The following SLC5A11 variants were observed in gnomAD, a reference collection of about 807,000 sequenced individuals.
SLC5A11 encodes the protein sodium/myo-inositol cotransporter 2.
A neutral mutation model predicts 69.8 loss-of-function variants in SLC5A11; 48 were observed. The observed-to-expected ratio is 0.69, with a 90% CI of 0.55 to 0.87. The LOEUF (loss-of-function observed/expected upper bound fraction) is 0.87. Among genes scored for constraint, SLC5A11 ranks in the 40% least tolerant of loss-of-function variants. SLC5A11 has a pLI of 0.00. For missense variants in SLC5A11, 784 were observed against 866.1 expected (o/e 0.91, Z 1.19); for synonymous variants, 319 against 342.4 (o/e 0.93, Z 0.75).
At chr16:24,900,620 A>G (rs1272311313) in intron 10 of SLC5A11, among the ~76,000 whole-genome samples, 1 of 152,208 alleles carries the variant, frequency 6.6e-6, no homozygotes, top group Non-Finnish European at 1.5e-5. Flanking sequence ...AGGAACACAG[A>G]AATAGCTTCA....
At chr16:24,886,466 TTC>T (rs1000050412) in intron 8 of SLC5A11, among the ~76,000 whole-genome samples, 19 of 145,460 alleles carry the variant, frequency 1.3e-4, no homozygotes, top group Admixed American at 1.2e-3. Flanking sequence ...TTTTCTTTCT[TTC>T]TGTTTTTGCT....
At chr16:24,887,108 G>A (rs2048446713) in intron 8 of SLC5A11, among the ~76,000 whole-genome samples, 1 of 152,176 alleles carries the variant, frequency 6.6e-6, no homozygotes, top group Non-Finnish European at 1.5e-5. Context: ...GGGAAAAGTT[G>A]TATCCTAAGT....
intron 15 of SLC5A11, 116 bp from the exon 17 acceptor site, chr16:24,911,212 A>G: frequency 1.2e-6 from 1 of 842,402 alleles, no homozygotes; most frequent in South Asian, 1.5e-5. Flanking sequence ...GGCATAGTGG[A>G]TGGTGGTTCA....
exon 14 of SLC5A11, chr16:24,908,928 G>A (rs866293077): frequency 1.2e-6 from 2 of 1,613,946 alleles, no homozygotes; most frequent in African/African-American, 1.3e-5. Context: ...GCTTGGTTAG[G>A]CTGGTCCTGG....
chr16:24,859,887 C>T lies in SLC5A11; in HGVS notation c.135+1109C>T, dbSNP rs141936331. ...AACCCTGGCCCAGCGCAGTGGCTCACGCTTGTAATCCCAGCACTTTGGGAG... is the reference window on the plus strand; with the variant it reads ...AACCCTGGCCCAGCGCAGTGGCTCATGCTTGTAATCCCAGCACTTTGGGAG... On this transcript the variant is annotated intron_variant, in intron 2 of 15. Transcript: ENST00000347898. 6.7e-4 allele frequency among the ~76,000 whole-genome samples: 102 copies of T among 152,314 alleles called. 1 individual carries two copies. The highest frequency in any genetic ancestry group is 2.2e-3 in the African/African-American group (92 of 41,578).
At chr16:24,867,964 C>A (rs1483947527) in intron 3 of SLC5A11, among the ~76,000 whole-genome samples, 1 of 151,784 alleles carries the variant, frequency 6.6e-6, no homozygotes, top group Admixed American at 6.6e-5. Context: ...CGGTGAAACC[C>A]CATTTCTACT....
intron 3 of SLC5A11, among the ~76,000 whole-genome samples, chr16:24,868,391 C>A (rs1470821252): frequency 3.3e-5 from 5 of 150,602 alleles, no homozygotes; most frequent in African/African-American, 1.2e-4. Context: ...GAGACCCAGA[C>A]CATCCTGGCG....
At chr16:24,859,006 A>G (rs1364038693) in intron 2 of SLC5A11, among the ~76,000 whole-genome samples, 2 of 152,188 alleles carry the variant, frequency 1.3e-5, no homozygotes, top group African/African-American at 2.4e-5. Context: ...TGTAATTTTC[A>G]CAGGCCCCTG....
chr16:24,868,385 C>T (rs1410084318), intron 3 of SLC5A11, among the ~76,000 whole-genome samples: 11 of 150,150 alleles, frequency 7.3e-5, no homozygotes, highest in East Asian at 2.0e-4. Flanking sequence ...GGTCAGGAGA[C>T]CCAGACCATC....
At chr16:24,875,831 T>C in intron 6 of SLC5A11, 100 bp downstream of exon 7, 1 of 935,892 alleles carries the variant, frequency 1.1e-6, no homozygotes. Context: ...CCCTTTCTCC[T>C]CGTCTTTCAT....
intron 10 of SLC5A11, among the ~76,000 whole-genome samples, chr16:24,902,651 G>A (rs1177532406): frequency 6.6e-6 from 1 of 151,034 alleles, no homozygotes; most frequent in Non-Finnish European, 1.5e-5. Flanking sequence ...GGGTTGAAGC[G>A]ATTCTCCTGC....
At chr16:24,860,092 C>T (rs2059698381) in intron 2 of SLC5A11, among the ~76,000 whole-genome samples, 1 of 152,162 alleles carries the variant, frequency 6.6e-6, no homozygotes, top group Admixed American at 6.6e-5. Flanking sequence ...TTGAGACGAG[C>T]CTGGCCAATG....
At chr16:24,883,855 TCA>T in intron 7 of SLC5A11, among the ~76,000 whole-genome samples, 194 bp from the exon 9 acceptor site, 1 of 152,290 alleles carries the variant, frequency 6.6e-6, no homozygotes, top group Non-Finnish European at 1.5e-5. Context: ...CAACTTCACC[TCA>T]ACGTGAAAGG....
intron 5 of SLC5A11, among the ~76,000 whole-genome samples, chr16:24,874,387 G>C (rs1347446995): frequency 2.0e-5 from 3 of 152,070 alleles, no homozygotes; most frequent in Non-Finnish European, 4.4e-5. Context: ...TTCATCTTTG[G>C]CTTTACAAGA....
chr16:24,876,042 G>A (rs911697455), intron 6 of SLC5A11, among the ~76,000 whole-genome samples: 29 of 151,918 alleles, frequency 1.9e-4, no homozygotes, highest in Admixed American at 1.1e-3. Flanking sequence ...CAGAAAATAC[G>A]AAAATTAGCC....
chr16:24,900,166 A>C (rs1347686444), intron 10 of SLC5A11, among the ~76,000 whole-genome samples: 1 of 152,192 alleles, frequency 6.6e-6, no homozygotes, highest in Non-Finnish European at 1.5e-5. Context: ...GAAACTGGTG[A>C]TCTATACAGA....
intron 10 of SLC5A11, among the ~76,000 whole-genome samples, chr16:24,904,531 C>A (rs537376449): frequency 1.3e-4 from 20 of 152,116 alleles, no homozygotes; most frequent in Admixed American, 8.5e-4. Context: ...CTGTCTGTGC[C>A]AGCCACCTAT....
exon 2 of SLC5A11, chr16:24,858,682 A>G (rs1280085283): frequency 1.9e-6 from 3 of 1,611,492 alleles, no homozygotes; most frequent in Admixed American, 1.7e-5. Flanking sequence ...CTCCACAGTT[A>G]GATCCCCTGG....
chr16:24,906,500 G>T (rs796498709), intron 10 of SLC5A11, among the ~76,000 whole-genome samples, 157 bp from the exon 12 acceptor site: 1 of 151,886 alleles, frequency 6.6e-6, no homozygotes, highest in South Asian at 2.1e-4. Context: ...CTCAGAAAGC[G>T]TAAGTAACAA....
Sources: gnomAD v4.1 joint callset for allele counts (sites outside exome capture counted in the v4.1 genomes callset) on GRCh38, gnomAD v4.1.1 for gene constraint, MANE v1.5 for transcripts, NCBI Gene and HGNC (gene_info 2026-07-23, HGNC 2026-07-21) for gene names.